ZNF16: variants seen among roughly 807,000 people sequenced by gnomAD.
ZNF16 encodes zinc finger protein 16.
A neutral mutation model predicts 9.0 loss-of-function variants in ZNF16; 7 were observed. The ratio of observed to expected loss-of-function variants is 0.78; its 90% CI spans 0.44 to 1.47. The LOEUF is 1.47. Among genes scored for constraint, ZNF16 ranks in the 40% most tolerant of loss-of-function variants. ZNF16 has a pLI of 0.01. For missense variants in ZNF16, 830 were observed against 854.2 expected (o/e 0.97, Z 0.35); for synonymous variants, 312 against 301.5 (o/e 1.03, Z -0.36).
At chr8:144,937,485 T>G (rs894577702) in intron 2 of ZNF16, among the ~76,000 whole-genome samples, 1 of 151,832 alleles carries the variant, frequency 6.6e-6, no homozygotes, top group Admixed American at 6.6e-5. Context: ...TAAATTTTGA[T>G]GAAGTCCAAT....
intron 2 of ZNF16, among the ~76,000 whole-genome samples, chr8:144,938,525 A>G (rs928249343): frequency 6.6e-6 from 1 of 152,192 alleles, no homozygotes. Flanking sequence ...ATGCTATTGT[A>G]TATGGAATTC....
At chr8:144,945,898 C>A in intron 2 of ZNF16, 113 bp downstream of exon 2, 1 of 1,488,614 alleles carries the variant, frequency 6.7e-7, no homozygotes, top group East Asian at 2.4e-5. Flanking sequence ...CAGAGTACCC[C>A]GTCACCCTCC....
intron 2 of ZNF16, chr8:144,945,202 G>C (rs542435565): frequency 6.6e-6 from 1 of 151,556 alleles, no homozygotes; most frequent in East Asian, 1.9e-4. Context: ...GCAGTGGCAT[G>C]ATCTTAGCTC....
chr8:144,946,784 G>A (rs1833956061), intron 1 of ZNF16, among the ~76,000 whole-genome samples: 1 of 111,474 alleles, frequency 9.0e-6, no homozygotes, highest in African/African-American at 4.1e-5. Flanking sequence ...CCTGTGTCCT[G>A]CTGTGGGCCT....
chr8:144,942,982 T>C (rs1412349013), intron 2 of ZNF16, among the ~76,000 whole-genome samples: 1 of 152,252 alleles, frequency 6.6e-6, no homozygotes, highest in Non-Finnish European at 1.5e-5. Flanking sequence ...TAGTGTTCTT[T>C]CATTTCAACC....
intron 2 of ZNF16, among the ~76,000 whole-genome samples, chr8:144,936,488 T>C (rs1025897316): frequency 5.3e-5 from 8 of 152,244 alleles, no homozygotes; most frequent in African/African-American, 1.9e-4. Context: ...AGAGTAGTTA[T>C]GCCATTTTAC....
In ZNF16 at chr8:144,932,501, A is replaced by G. The variant is rs751040057; in HGVS notation, c.286T>C (p.Tyr96His). Residue 96 changes from tyrosine to histidine, a missense_variant, in exon 3 of 3, where the codon TAT becomes CAT. Physicochemically the swap from Tyr to His is moderately conservative, Grantham distance 83 (BLOSUM62 2). Coordinates refer to ENST00000394909, the MANE Select transcript of ZNF16 (RefSeq NM_006958.3). The surrounding 1 kb of genome is among the most constrained non-coding windows in gnomAD (Gnocchi z 5.0). Reference sequence around the variant, plus strand: ...GGTACCTGGGAAACATCACCAGCATAGTTTTCTGATATTTCTGCCTGTGAT... The same window carrying G: ...GGTACCTGGGAAACATCACCAGCATGGTTTTCTGATATTTCTGCCTGTGAT... ...LESQAEISEN[Y>H]AGDVSQVPEL... 3 of 1,614,208 alleles carry G rather than the reference A, an allele frequency of 1.9e-6. No homozygotes were observed. Among genetic ancestry groups the G allele is most frequent in the Non-Finnish European group, 2.5e-6 (3 of 1,180,028 alleles).
In ZNF16 at chr8:144,931,773, T is replaced by C; in HGVS notation, c.1014A>G (p.Gln338=). 2 of 1,614,064 alleles carry C rather than the reference T, an allele frequency of 1.2e-6. No individual in the cohort carries two copies. The highest frequency in any genetic ancestry group is 1.1e-5 in the South Asian group (1 of 91,080). ...TCTCCCCAGAATGGATTCTTTGATG[T>C]TGGATGAGGTTTGAGCTCCGCCTAA... is the stretch of plus-strand genomic sequence containing the variant. ...KAFRRSSNLI[Q]HQRIHSGEKP... Residue 338 remains glutamine, a synonymous_variant, in exon 3 of 3, where the codon CAA becomes CAG. Coordinates refer to ENST00000394909, the MANE Select transcript of ZNF16 (RefSeq NM_006958.3).
At chr8:144,949,849 C>T (rs1489390635) in intron 1 of ZNF16, among the ~76,000 whole-genome samples, 1 of 152,198 alleles carries the variant, frequency 6.6e-6, no homozygotes, top group Non-Finnish European at 1.5e-5. Flanking sequence ...TGAGAAAGAC[C>T]TGACCGTCCC....
At chr8:144,942,873 T>C (rs575795725) in intron 2 of ZNF16, among the ~76,000 whole-genome samples, 2 of 152,346 alleles carry the variant, frequency 1.3e-5, no homozygotes, top group South Asian at 2.1e-4. Flanking sequence ...ATACAAAGTG[T>C]ACTTAGAAAC....
intron 1 of ZNF16, chr8:144,948,262 T>C (rs1327262893): frequency 6.6e-6 from 1 of 152,244 alleles, no homozygotes; most frequent in East Asian, 1.9e-4. Context: ...GCCACATTTC[T>C]GTGTCAGGAG....
chr8:144,949,830 C>T (rs1352133702), intron 1 of ZNF16, among the ~76,000 whole-genome samples: 2 of 152,148 alleles, frequency 1.3e-5, no homozygotes, highest in African/African-American at 2.4e-5. Flanking sequence ...GAAATATGGC[C>T]TCATGGGATG....
chr8:144,941,297 C>T (rs570767420), intron 2 of ZNF16, among the ~76,000 whole-genome samples: 57 of 151,954 alleles, frequency 3.8e-4, no homozygotes, highest in African/African-American at 1.3e-3. Context: ...ATGACTCTGC[C>T]CTTTTATAAA....
In ZNF16 at chr8:144,931,274, T is replaced by C; in HGVS notation, c.1513A>G (p.Ile505Val). ...CCTGTGTGCACGCCCTGGTGCTGAA[T>C]GAGGGCTGAGCTGTGGCTGAAGGCC... ...GKAFSHSSAL[I>V]QHQGVHTGDK... Residue 505 changes from isoleucine to valine, a missense_variant, in exon 3 of 3, where the codon ATT becomes GTT. Physicochemically the swap from Ile to Val is conservative, Grantham distance 29. Coordinates refer to ENST00000394909, the MANE Select transcript of ZNF16 (RefSeq NM_006958.3). The C allele has an allele frequency of 6.2e-7, 1 of 1,614,150 alleles. No homozygotes were observed. Among genetic ancestry groups the C allele is most frequent in the Non-Finnish European group, 8.5e-7 (1 of 1,180,028 alleles).
chr8:144,944,903 A>C (rs1265658427), intron 2 of ZNF16: 1 of 152,112 alleles, frequency 6.6e-6, no homozygotes, highest in African/African-American at 2.4e-5. Context: ...CAAGAGAAAA[A>C]CCAACACAAA....
intron 2 of ZNF16, 161 bp downstream of exon 2, chr8:144,945,850 T>G (rs1223757066): frequency 2.2e-6 from 3 of 1,377,302 alleles, no homozygotes; most frequent in East Asian, 2.6e-5. Context: ...CAGGCTAGGT[T>G]AACTTCCTTG....
chr8:144,947,077 ACTGTGGGCCATACCCTG>A (rs1833971754), intron 1 of ZNF16, among the ~76,000 whole-genome samples: 2 of 66,526 alleles, frequency 3.0e-5, no homozygotes, highest in Admixed American at 2.1e-4. Flanking sequence ...CCTGTACCCT[ACTGTGGGCCATACCCTG>A]CTGTGGGCCT....
At position 144,933,068 on chromosome 8, in the gene ZNF16, C is replaced by T. The variant is rs956433819; in HGVS notation, c.197-478G>A. Among the ~76,000 whole-genome samples the T allele has an allele frequency of 2.0e-5, 3 of 152,190 alleles. No individual in the cohort carries two copies. Among genetic ancestry groups the T allele is most frequent in the Non-Finnish European group, 2.9e-5 (2 of 68,030 alleles). On this transcript the variant is annotated intron_variant, in intron 2 of 2. Transcript: ENST00000394909. The surrounding 1 kb of genome is among the most constrained non-coding windows in gnomAD (Gnocchi z 5.6). The stretch of plus-strand genomic sequence containing the variant: ...TCACCCTTTTTTCTGTCCACACTGC[C>T]AGGTGTGAGCCTTACCAGCCTATCT...
Position 144,931,358 on chromosome 8 carries a change from G to A in ZNF16, c.1429C>T (p.Arg477Ter), listed in dbSNP as rs780883398. The part of the protein sequence containing the change: ...GKAFSYSSVL[R>*]KHQIIHTGEK... Reference sequence around the variant, plus strand: ...CCCGTGTGGATGATCTGGTGCTTTCGGAGCACTGAGCTATAACTAAAGGCT... The same window carrying A: ...CCCGTGTGGATGATCTGGTGCTTTCAGAGCACTGAGCTATAACTAAAGGCT... The change falls in exon 3 of 3, where the codon CGA (arginine) becomes TGA (stop). Residue 477 changes from arginine (R) to a stop codon, truncating the protein, a stop_gained. Transcript: ENST00000394909. LOFTEE classifies it low-confidence loss of function (END_TRUNC). 7 of 1,613,434 alleles carry A rather than the reference G, an allele frequency of 4.3e-6. No homozygotes were observed. The highest frequency in any genetic ancestry group is 1.3e-5 in the African/African-American group (1 of 74,706).
Sources: gnomAD v4.1 joint callset for allele counts (sites outside exome capture counted in the v4.1 genomes callset) on GRCh38, gnomAD v4.1.1 for gene constraint, Gnocchi (gnomAD v3.1) non-coding constraint, MANE v1.5 for transcripts, NCBI Gene and HGNC (gene_info 2026-07-23, HGNC 2026-07-21) for gene names.